The following PAPOLG variants were observed in gnomAD, a reference collection of about 807,000 sequenced individuals.
PAPOLG encodes the protein PAP-gamma.
In PAPOLG, 40 loss-of-function variants were observed where a neutral mutation model predicts 99.0. The observed-to-expected ratio is 0.40, with a 90% confidence interval of 0.31 to 0.53. The LOEUF (loss-of-function observed/expected upper bound fraction) is 0.53. Among genes scored for constraint, PAPOLG ranks in the 20% least tolerant of loss-of-function variants. The pLI, the probability that PAPOLG is intolerant of heterozygous loss-of-function variation, is 0.41. For missense variants in PAPOLG, 675 were observed against 884.1 expected (o/e 0.76, Z 3.00); for synonymous variants, 310 against 299.3 (o/e 1.04, Z -0.37).
intron 10 of PAPOLG, among the ~76,000 whole-genome samples, chr2:60,781,348 C>G (rs1449587142): frequency 6.8e-6 from 1 of 146,036 alleles, no homozygotes; most frequent in East Asian, 1.9e-4. Context: ...CGAGTTGAGA[C>G]TTCGTCTCAA....
At chr2:60,782,120 A>G in intron 11 of PAPOLG, 115 bp downstream of exon 11, 1 of 1,128,850 alleles carries the variant, frequency 8.9e-7, no homozygotes, top group Admixed American at 2.3e-5. Context: ...CTTTCTAAAA[A>G]TTCTTTCAAG....
At chr2:60,787,170 G>C in intron 14 of PAPOLG, 104 bp downstream of exon 14, 3 of 999,314 alleles carry the variant, frequency 3.0e-6, no homozygotes, top group Non-Finnish European at 4.3e-6. Flanking sequence ...GCATTGATGG[G>C]AGTATGACAC....
At position 60,798,254 on chromosome 2, in the gene PAPOLG, A is replaced by G. The variant is rs529741652; in HGVS notation, c.*1094A>G. 1 of 152,870 alleles carries G rather than the reference A, an allele frequency of 6.5e-6. No homozygotes were observed. The highest frequency in any genetic ancestry group is 2.1e-4 in the South Asian group (1 of 4,830). 9.5% of individuals were successfully genotyped at this position (152,870 alleles called of 1,614,324 possible). A position where few individuals can be genotyped will look rare whatever the true frequency, so the allele number is the denominator to read the frequency against. ...GGACCTTTGTAATTTTTATTTAACT[A>G]TATGAGTTGTCTTTTTTTACGCTGC... On this transcript the variant is annotated 3_prime_UTR_variant, in exon 22 of 22. Coordinates refer to ENST00000238714, the MANE Select transcript of PAPOLG (RefSeq NM_022894.4).
intron 15 of PAPOLG, among the ~76,000 whole-genome samples, chr2:60,787,887 A>G (rs1671413817): frequency 6.6e-6 from 1 of 152,150 alleles, no homozygotes; most frequent in East Asian, 1.9e-4. Flanking sequence ...CCCCGTCTCT[A>G]CTAAAAATAC....
intron 3 of PAPOLG, among the ~76,000 whole-genome samples, chr2:60,767,262 A>G (rs1410592661): frequency 6.6e-6 from 1 of 151,782 alleles, no homozygotes; most frequent in Non-Finnish European, 1.5e-5. Flanking sequence ...ATTGAAGTGG[A>G]TCAGGATACT....
chr2:60,793,556 CT>C, intron 17 of PAPOLG, 70 bp from the exon 18 acceptor site: 2 of 1,548,774 alleles, frequency 1.3e-6, no homozygotes, highest in Non-Finnish European at 8.8e-7. Context: ...AGAATGAGGC[CT>C]TTTCTCAAAA....
Position 60,800,694 on chromosome 2 carries a change from A to G in PAPOLG, c.*3534A>G, listed in dbSNP as rs1311068925. The G allele has an allele frequency of 1.3e-5, 2 of 152,332 alleles. No individual in the cohort carries two copies. The highest frequency in any genetic ancestry group is 1.5e-5 in the Non-Finnish European group (1 of 68,038). The allele number at this position is 152,332 out of a possible 1,614,324, so 9.4% of individuals were successfully genotyped here. On this transcript the variant is annotated 3_prime_UTR_variant, in exon 22 of 22. Coordinates refer to ENST00000238714, the MANE Select transcript of PAPOLG (RefSeq NM_022894.4). ...CTTGAGAATCATGAACCCTTAGGGA[A>G]TCCTTTATAATTGTGTATAAGAAGT...
At chr2:60,791,508 C>T (rs548026754) in intron 15 of PAPOLG, 42 of 241,266 alleles carry the variant, frequency 1.7e-4, no homozygotes, top group South Asian at 9.4e-4. Flanking sequence ...GCTGAGATTG[C>T]GCCATTGCAC....
At chr2:60,779,174 GAAGT>G (rs1208567816) in intron 8 of PAPOLG, among the ~76,000 whole-genome samples, 2 of 152,002 alleles carry the variant, frequency 1.3e-5, no homozygotes, top group Admixed American at 6.6e-5. Flanking sequence ...GTGAAATACT[GAAGT>G]AAGTCTCCAG....
intron 12 of PAPOLG, 43 bp from the exon 13 acceptor site, chr2:60,783,112 AT>A: frequency 1.3e-6 from 2 of 1,510,888 alleles, no homozygotes; most frequent in South Asian, 1.4e-5. Context: ...GGCTGTAACA[AT>A]TTTTCTGGCT....
chr2:60,768,935 CAA>C, intron 5 of PAPOLG, 45 bp downstream of exon 5: 1 of 1,383,452 alleles, frequency 7.2e-7, no homozygotes, highest in Non-Finnish European at 9.8e-7. Flanking sequence ...AGATTAGTAA[CAA>C]ATATCTATAA....
chr2:60,788,994 G>A (rs1470162259), intron 15 of PAPOLG, among the ~76,000 whole-genome samples: 1 of 152,100 alleles, frequency 6.6e-6, no homozygotes, highest in African/African-American at 2.4e-5. Context: ...ATACTATGCA[G>A]CCATAAAAAA....
intron 13 of PAPOLG, among the ~76,000 whole-genome samples, chr2:60,785,454 G>A (rs1019096902): frequency 1.2e-4 from 18 of 152,120 alleles, no homozygotes; most frequent in African/African-American, 4.3e-4. Flanking sequence ...TTTTTTAAAT[G>A]CAAAGTCAAG....
chr2:60,763,538 C>T (rs947682573), intron 3 of PAPOLG, among the ~76,000 whole-genome samples: 10 of 152,158 alleles, frequency 6.6e-5, no homozygotes, highest in Admixed American at 6.6e-4. Context: ...GAATCTTGCT[C>T]TGTCACCCAG....
intron 13 of PAPOLG, among the ~76,000 whole-genome samples, chr2:60,786,389 G>A (rs1258864117): frequency 6.6e-6 from 1 of 151,216 alleles, no homozygotes. Context: ...CGCCATACTC[G>A]GCCAATTTTT....
chr2:60,760,286 T>C lies in PAPOLG; in HGVS notation c.170T>C (p.Leu57Ser). The C allele has an allele frequency of 6.2e-7, 1 of 1,611,974 alleles. No homozygotes were observed. Among genetic ancestry groups the C allele is most frequent in the Non-Finnish European group, 8.5e-7 (1 of 1,178,498 alleles). The change falls in exon 2 of 22, where the codon TTG becomes TCG. Residue 57 changes from leucine (L) to serine (S), a missense_variant. By Grantham distance (145) the Leu-to-Ser change is moderately radical. Around this residue, in one of 3 missense-constraint regions of PAPOLG, gnomAD observed 149 missense variants for 192.1 expected, o/e 0.78. Transcript: ENST00000238714. ...PFGVFEDEEELNHRLVVLGKL... is the reference protein window; with the variant it reads ...PFGVFEDEEESNHRLVVLGKL... Reference sequence around the variant, plus strand: ...GGAGTGTTTGAAGATGAGGAAGAATTGAACCACAGGTATGTCATTGAAAAC... The same window carrying C: ...GGAGTGTTTGAAGATGAGGAAGAATCGAACCACAGGTATGTCATTGAAAAC...
rs538678231 is a variant in PAPOLG at position 60,779,475 on chromosome 2, A to G, written c.695-162A>G. On this transcript the variant is annotated intron_variant, in intron 8 of 21. Transcript: ENST00000238714. ...ATGTGAAGGTCTGCTTATCAGTTTT[A>G]ATGTTTTGTTTATAGGGGAAAATTT... 3 of 691,730 alleles carry G rather than the reference A, an allele frequency of 4.3e-6. No homozygotes were observed. In the East Asian group the frequency reaches 8.3e-5, roughly 19 times the overall value. 42.8% of individuals were successfully genotyped at this position (691,730 alleles called of 1,614,324 possible). A position where few individuals can be genotyped will look rare whatever the true frequency, so the allele number is the denominator to read the frequency against.
intron 17 of PAPOLG, among the ~76,000 whole-genome samples, chr2:60,792,920 C>T (rs57105233): frequency 0.047 from 7,088 of 152,236 alleles, 656 homozygotes; most frequent in East Asian, 0.41. Context: ...CCTGTATTCC[C>T]AGCTACTTGG....
Position 60,779,621 on chromosome 2 carries a change from TA to T in PAPOLG, c.695-15del, listed in dbSNP as rs1402896067. 1.9e-6 allele frequency: 3 copies of T among 1,599,114 alleles called. No homozygotes were observed. The highest frequency in any genetic ancestry group is 2.6e-6 in the Non-Finnish European group (3 of 1,170,896). Reference sequence around the variant, plus strand: ...GTAGGTCCTAATAATAATTAACAAATATATTGATTTTCTAGGACGTGGTATT... The same window carrying T: ...GTAGGTCCTAATAATAATTAACAAATTATTGATTTTCTAGGACGTGGTATT... On this transcript the variant is annotated splice_polypyrimidine_tract_variant and intron_variant, in intron 8 of 21. Coordinates refer to ENST00000238714, the MANE Select transcript of PAPOLG (RefSeq NM_022894.4).
Sources: allele counts gnomAD v4.1 joint callset (sites outside exome capture counted in the v4.1 genomes callset), GRCh38; gene constraint gnomAD v4.1.1; regional missense constraint gnomAD v4.1.1; transcripts MANE v1.5; gene names NCBI Gene and HGNC (gene_info 2026-07-23, HGNC 2026-07-21).